The following EYS variants were observed in gnomAD, a reference collection of about 807,000 sequenced individuals.
EYS encodes protein eyes shut homolog.
Under a neutral mutation model 282.1 loss-of-function variants are expected in EYS, and 250 were observed. The ratio of observed to expected loss-of-function variants is 0.89; its 90% CI spans 0.80 to 0.98. EYS has a LOEUF of 0.98. Among genes scored for constraint, EYS ranks in the 50% least tolerant of loss-of-function variants. EYS has a pLI of 0.00. For synonymous variants in EYS, 1,355 were observed against 1,282.9 expected (o/e 1.06, Z -1.20); for missense variants, 4,016 against 3,709.0 (o/e 1.08, Z -2.15).
At chr6:64,659,644 T>G (rs10944671) in intron 22 of EYS, among the ~76,000 whole-genome samples, 97,204 of 151,890 alleles carry the variant, frequency 0.64, 31,325 homozygotes, top group African/African-American at 0.71. Context: ...AGAATAAATA[T>G]ATAAATTCCT....
intron 35 of EYS, among the ~76,000 whole-genome samples, chr6:63,887,931 T>C (rs1183443556): frequency 6.6e-6 from 1 of 152,176 alleles, no homozygotes; most frequent in Admixed American, 6.5e-5. Context: ...CAGTCTGAAG[T>C]TGACCTCGGA....
chr6:64,028,943 A>G (rs1582162633), intron 33 of EYS, among the ~76,000 whole-genome samples: 1 of 152,190 alleles, frequency 6.6e-6, no homozygotes, highest in Admixed American at 6.5e-5. Flanking sequence ...AGGAACGAAT[A>G]CAGCCTATAC....
intron 12 of EYS, among the ~76,000 whole-genome samples, chr6:65,080,363 G>A (rs1450878813): frequency 6.6e-6 from 1 of 152,064 alleles, no homozygotes; most frequent in Non-Finnish European, 1.5e-5. Flanking sequence ...TTTGGCTGAA[G>A]TTGTCCTTAA....
rs563970530 is a variant in EYS at position 64,992,287 on chromosome 6, G to A, written c.2259+5295C>T. ...GAATACTATAAGAAGTTTTCATTTC[G>A]TTTTATGATTCTAATAAATTGGCTA... is the stretch of plus-strand genomic sequence containing the variant. On this transcript the variant is annotated intron_variant, in intron 14 of 42. Transcript: ENST00000503581. Among the ~76,000 whole-genome samples the A allele has an allele frequency of 1.3e-4, 20 of 151,682 alleles. No individual in the cohort carries two copies. The South Asian group carries it at 2.5e-3, about 19-fold the overall frequency.
At chr6:65,352,157 C>G (rs567208616) in intron 9 of EYS, among the ~76,000 whole-genome samples, 2 of 151,898 alleles carry the variant, frequency 1.3e-5, no homozygotes, top group East Asian at 3.9e-4. Flanking sequence ...GTTAACTCTA[C>G]AGTATACTAT....
At chr6:64,123,209 G>A (rs1361230954) in intron 31 of EYS, among the ~76,000 whole-genome samples, 2 of 152,136 alleles carry the variant, frequency 1.3e-5, no homozygotes, top group Non-Finnish European at 2.9e-5. Flanking sequence ...GTCAACATAT[G>A]CATATTCCAT....
At chr6:64,316,733 C>CA (rs1178973602) in intron 29 of EYS, among the ~76,000 whole-genome samples, 1 of 152,038 alleles carries the variant, frequency 6.6e-6, no homozygotes, top group East Asian at 1.9e-4. Flanking sequence ...CATATCAAAC[C>CA]AAAAAAGATC....
At chr6:64,766,466 T>A (rs1194954985) in intron 22 of EYS, among the ~76,000 whole-genome samples, 1 of 147,922 alleles carries the variant, frequency 6.8e-6, no homozygotes, top group Non-Finnish European at 1.5e-5. Context: ...ACTCTGTCTG[T>A]ACTAATAATA....
At chr6:64,959,568 T>A (rs1167935522) in intron 14 of EYS, among the ~76,000 whole-genome samples, 1 of 152,194 alleles carries the variant, frequency 6.6e-6, no homozygotes, top group East Asian at 1.9e-4. Flanking sequence ...TTGATTCTGG[T>A]CCCAGATGCT....
At chr6:64,112,781 T>TATATATC (rs145309605) in intron 31 of EYS, among the ~76,000 whole-genome samples, 9,789 of 149,312 alleles carry the variant, frequency 0.066, 946 homozygotes, top group African/African-American at 0.22. Flanking sequence ...TCTAGAATAA[T>TATATATC]ATATATCTAT....
intron 1 of EYS, among the ~76,000 whole-genome samples, chr6:65,641,196 T>C (rs1767264084): frequency 6.6e-6 from 1 of 152,218 alleles, no homozygotes; most frequent in South Asian, 2.1e-4. Context: ...ATAACCTCTG[T>C]TGGTTGTTTT....
At chr6:64,255,492 T>C (rs1454033186) in intron 30 of EYS, among the ~76,000 whole-genome samples, 1 of 152,086 alleles carries the variant, frequency 6.6e-6, no homozygotes, top group Non-Finnish European at 1.5e-5. Flanking sequence ...TATTGTAAAA[T>C]TAAAGTTGTA....
chr6:64,604,593 A>G (rs778050187), intron 24 of EYS, among the ~76,000 whole-genome samples: 5 of 151,976 alleles, frequency 3.3e-5, no homozygotes. Context: ...CTTTAAGGAT[A>G]ATTTTCTTTT....
At chr6:65,618,105 C>G (rs1766288712) in intron 2 of EYS, among the ~76,000 whole-genome samples, 1 of 152,134 alleles carries the variant, frequency 6.6e-6, no homozygotes, top group Non-Finnish European at 1.5e-5. Context: ...ATTTCTAGTT[C>G]TAGATCCCTG....
chr6:63,881,032 A>G lies in EYS; in HGVS notation c.7056-16674T>C, dbSNP rs565636795. Among the ~76,000 whole-genome samples, 13 of 152,170 alleles carry G rather than the reference A, an allele frequency of 8.5e-5. No homozygotes were observed. In the South Asian group the frequency reaches 2.5e-3, roughly 29 times the overall value. On this transcript the variant is annotated intron_variant, in intron 35 of 42. Transcript: ENST00000503581. ...CACTTTTTTTTTTTGACACACTATT[A>G]GATGTGACAATTTTCTTTTACAATA...
intron 5 of EYS, among the ~76,000 whole-genome samples, chr6:65,479,331 G>A (rs1439635224): frequency 6.6e-6 from 1 of 152,166 alleles, no homozygotes; most frequent in Non-Finnish European, 1.5e-5. Flanking sequence ...ATAAATTGAC[G>A]AGTGGATTCT....
intron 31 of EYS, among the ~76,000 whole-genome samples, chr6:64,222,769 A>T (rs1322723265): frequency 6.6e-6 from 1 of 151,994 alleles, no homozygotes; most frequent in Non-Finnish European, 1.5e-5. Context: ...AAAAATAGCC[A>T]TATTTAGCAT....
chr6:64,646,049 G>A (rs1768338802), intron 22 of EYS, among the ~76,000 whole-genome samples: 1 of 152,172 alleles, frequency 6.6e-6, no homozygotes, highest in African/African-American at 2.4e-5. Context: ...ATACTAGGAA[G>A]TAAAAATCAT....
intron 29 of EYS, among the ~76,000 whole-genome samples, chr6:64,330,187 G>A (rs1182334292): frequency 6.6e-6 from 1 of 152,188 alleles, no homozygotes; most frequent in African/African-American, 2.4e-5. Context: ...GCTATAAGGT[G>A]TCTAAGGAAA....
Sources: allele counts gnomAD v4.1 joint callset (sites outside exome capture counted in the v4.1 genomes callset), GRCh38; gene constraint gnomAD v4.1.1; transcripts MANE v1.5; gene names NCBI Gene and HGNC (gene_info 2026-07-23, HGNC 2026-07-21).